The following ULK4 variants were observed in gnomAD, a reference collection of about 807,000 sequenced individuals.
The protein encoded by ULK4 is inactive serine/threonine-protein kinase ULK4.
ULK4 carries 133 observed loss-of-function variants against 160.6 expected under a neutral mutation model. The ratio of observed to expected loss-of-function variants is 0.83; its 90% CI spans 0.72 to 0.96. ULK4 has a LOEUF of 0.96. Ranked by LOEUF, ULK4 falls within the 40% of genes least tolerant of loss-of-function variation. The probability of loss-of-function intolerance (pLI) is 0.00; values close to 1 mark genes in which losing one functional copy is unlikely to be tolerated. For synonymous variants in ULK4, 534 were observed against 539.8 expected, an observed-to-expected ratio of 0.99 and a Z score of 0.15; for missense variants, 1,580 against 1,499.5, an observed-to-expected ratio of 1.05 and a Z score of -0.89.
chr3:41,246,883 C>T lies in ULK4; in HGVS notation c.*46G>A, dbSNP rs761083190. The T allele has an allele frequency of 6.9e-6, 11 of 1,602,920 alleles. No individual in the cohort carries two copies. Among genetic ancestry groups the T allele is most frequent in the East Asian group, 2.2e-5 (1 of 44,596 alleles). On this transcript the variant is annotated 3_prime_UTR_variant, in exon 37 of 37. Coordinates refer to ENST00000301831, the MANE Select transcript of ULK4 (RefSeq NM_017886.4). ...TGGGAGCTGACCTTGCTTATGCATC[C>T]GAGGGCTGGGGCCACAGGGCGGGCT...
chr3:41,696,362 TCTCTCTCTCC>T (rs2036500613), intron 27 of ULK4, among the ~76,000 whole-genome samples: 3 of 152,082 alleles, frequency 2.0e-5, no homozygotes, highest in Admixed American at 2.0e-4. Flanking sequence ...GTAAGCTGTC[TCTCTCTCTCC>T]CTCTCTCTCT....
intron 31 of ULK4, among the ~76,000 whole-genome samples, chr3:41,588,284 T>C (rs762923112): frequency 6.6e-6 from 1 of 152,250 alleles, no homozygotes; most frequent in Non-Finnish European, 1.5e-5. Context: ...GCAATTAATA[T>C]ATACTTTTTG....
chr3:41,285,555 G>A (rs961820246), intron 35 of ULK4, among the ~76,000 whole-genome samples: 6 of 152,152 alleles, frequency 3.9e-5, no homozygotes, highest in Admixed American at 6.5e-5. Flanking sequence ...ACACAAAGGT[G>A]TAAGAATGAT....
At chr3:41,945,805 T>C (rs185366177) in intron 2 of ULK4, among the ~76,000 whole-genome samples, 1 of 152,270 alleles carries the variant, frequency 6.6e-6, no homozygotes, top group Non-Finnish European at 1.5e-5. Flanking sequence ...TTTCCTAGTC[T>C]TTTTTCCCTC....
intron 21 of ULK4, among the ~76,000 whole-genome samples, chr3:41,767,875 A>G (rs2039219227): frequency 6.6e-6 from 1 of 152,140 alleles, no homozygotes; most frequent in Non-Finnish European, 1.5e-5. Context: ...TGAACAAATG[A>G]GCTTATGTAC....
intron 19 of ULK4, among the ~76,000 whole-genome samples, chr3:41,811,133 C>T (rs1354395457): frequency 6.6e-6 from 1 of 152,040 alleles, no homozygotes; most frequent in Non-Finnish European, 1.5e-5. Flanking sequence ...GTGATCCTCC[C>T]ACCTAGCCCT....
intron 29 of ULK4, among the ~76,000 whole-genome samples, chr3:41,675,562 C>T (rs2035684475): frequency 1.3e-5 from 2 of 152,114 alleles, no homozygotes; most frequent in African/African-American, 4.8e-5. Context: ...TGCACTCCAG[C>T]CTGGGTGACA....
At chr3:41,771,111 A>G (rs927936832) in intron 21 of ULK4, among the ~76,000 whole-genome samples, 1 of 152,222 alleles carries the variant, frequency 6.6e-6, no homozygotes, top group Non-Finnish European at 1.5e-5. Flanking sequence ...CCATAAGAAT[A>G]GCTCACTCCA....
At chr3:41,579,242 T>C (rs1378410864) in intron 31 of ULK4, among the ~76,000 whole-genome samples, 1 of 151,928 alleles carries the variant, frequency 6.6e-6, no homozygotes, top group Non-Finnish European at 1.5e-5. Flanking sequence ...CTTGATTAAA[T>C]TTTCCTCATG....
chr3:41,581,350 T>C (rs953274327), intron 31 of ULK4, among the ~76,000 whole-genome samples: 1 of 152,134 alleles, frequency 6.6e-6, no homozygotes, highest in African/African-American at 2.4e-5. Context: ...TTGGACACAA[T>C]GAATGGATTA....
At chr3:41,637,515 T>A (rs2034007980) in intron 30 of ULK4, among the ~76,000 whole-genome samples, 1 of 152,192 alleles carries the variant, frequency 6.6e-6, no homozygotes, top group Admixed American at 6.5e-5. Context: ...GAGTGCAATA[T>A]CTCTTTCAGA....
At chr3:41,267,416 G>A (rs372231669) in intron 35 of ULK4, among the ~76,000 whole-genome samples, 97 of 152,124 alleles carry the variant, frequency 6.4e-4, no homozygotes, top group African/African-American at 2.0e-3. Flanking sequence ...TCTATCATTG[G>A]TGGGCATTTG....
intron 32 of ULK4, among the ~76,000 whole-genome samples, chr3:41,540,223 A>T (rs11923339): frequency 6.6e-6 from 1 of 151,572 alleles, no homozygotes; most frequent in African/African-American, 2.4e-5. Context: ...CCCATCCCCC[A>T]ATAGGCCCCA....
chr3:41,662,173 C>T (rs1186785287), intron 30 of ULK4, among the ~76,000 whole-genome samples: 1 of 152,172 alleles, frequency 6.6e-6, no homozygotes, highest in Non-Finnish European at 1.5e-5. Context: ...AGAACAATCC[C>T]TTCTGAGTGA....
In ULK4 at chr3:41,823,363, G is replaced by C. The variant is rs993888103; in HGVS notation, c.1765-3857C>G. The stretch of plus-strand genomic sequence containing the variant: ...AATTAGGTCAGACAGGTTCTGAAGA[G>C]CCAGCCCAAAAGGGCCCAGAAGGTA... On this transcript the variant is annotated intron_variant, in intron 18 of 36. Coordinates refer to ENST00000301831, the MANE Select transcript of ULK4 (RefSeq NM_017886.4). Among the ~76,000 whole-genome samples the C allele has an allele frequency of 2.0e-5, 3 of 152,314 alleles. No homozygotes were observed. The East Asian group carries it at 5.8e-4, about 29-fold the overall frequency.
intron 30 of ULK4, among the ~76,000 whole-genome samples, chr3:41,655,341 C>G (rs1292895861): frequency 7.9e-6 from 1 of 127,180 alleles, no homozygotes; most frequent in East Asian, 2.3e-4. Flanking sequence ...AACACATGGA[C>G]ACAGGAAGGG....
intron 31 of ULK4, among the ~76,000 whole-genome samples, chr3:41,610,344 A>G (rs1428896164): frequency 1.3e-5 from 2 of 152,150 alleles, no homozygotes; most frequent in African/African-American, 2.4e-5. Context: ...ATATTTTATT[A>G]TAGAAATTTT....
intron 31 of ULK4, among the ~76,000 whole-genome samples, chr3:41,590,600 C>A (rs984356128): frequency 6.6e-6 from 1 of 151,414 alleles, no homozygotes; most frequent in Non-Finnish European, 1.5e-5. Flanking sequence ...CACGCCACTG[C>A]ACTCCAGCCT....
At chr3:41,701,288 C>T (rs1258747520) in intron 27 of ULK4, among the ~76,000 whole-genome samples, 6 of 152,020 alleles carry the variant, frequency 3.9e-5, no homozygotes, top group Admixed American at 2.0e-4. Flanking sequence ...AGTGAATCTA[C>T]AGAAAACCAA....
Sources: allele counts gnomAD v4.1 joint callset (sites outside exome capture counted in the v4.1 genomes callset), GRCh38; gene constraint gnomAD v4.1.1; transcripts MANE v1.5; gene names NCBI Gene and HGNC (gene_info 2026-07-23, HGNC 2026-07-21).